RAB3IL1: variants seen among roughly 807,000 people sequenced by gnomAD.
RAB3IL1 encodes the protein RAB3A interacting protein like 1, also known as guanine nucleotide exchange factor for Rab-3A.
RAB3IL1 carries 37 observed loss-of-function variants against 49.2 expected under a neutral mutation model. The observed-to-expected ratio is 0.75, with a 90% CI of 0.58 to 0.99. RAB3IL1 has a LOEUF of 0.99. Ranked by LOEUF, RAB3IL1 falls within the 50% of genes least tolerant of loss-of-function variation. RAB3IL1 has a pLI of 0.00. For missense variants in RAB3IL1, 484 were observed against 513.0 expected, an observed-to-expected ratio of 0.94 and a Z score of 0.55; for synonymous variants, 193 against 213.9, an observed-to-expected ratio of 0.90 and a Z score of 0.85.
chr11:61,943,995 C>A, the RAB3IL1 span, among the ~76,000 whole-genome samples: 1 of 152,058 alleles, frequency 6.6e-6, no homozygotes, highest in African/African-American at 2.4e-5. Flanking sequence ...GCATTTAGTC[C>A]TTTTGAATTG....
chr11:61,934,450 G>GTGTGTGTGTA, the RAB3IL1 span, among the ~76,000 whole-genome samples: 24 of 31,604 alleles, frequency 7.6e-4, no homozygotes, highest in African/African-American at 2.1e-3. Context: ...GTGTGTGTAT[G>GTGTGTGTGTA]TATATATATA....
At chr11:61,920,250 A>G, upstream of RAB3IL1, 2 of 1,237,426 alleles carry the variant, frequency 1.6e-6, no homozygotes, top group Non-Finnish European at 2.0e-6. Context: ...AGGTAGCAGG[A>G]GCCTTCTTCC....
chr11:61,939,889 T>C, the RAB3IL1 span, among the ~76,000 whole-genome samples: 5 of 151,932 alleles, frequency 3.3e-5, no homozygotes, highest in South Asian at 2.1e-4. Flanking sequence ...GCCCAGGAGA[T>C]TGAGGCTGCA....
chr11:61,904,177 A>G (rs984392028), intron 7 of RAB3IL1, among the ~76,000 whole-genome samples: 1 of 151,748 alleles, frequency 6.6e-6, no homozygotes, highest in African/African-American at 2.4e-5. Flanking sequence ...CCCTTGCTCC[A>G]CCCTGGCTAT....
chr11:61,928,392 G>A, the RAB3IL1 span, among the ~76,000 whole-genome samples: 6 of 151,704 alleles, frequency 4.0e-5, no homozygotes, highest in East Asian at 1.9e-4. Context: ...CATGAAGCTA[G>A]GACCCTCAAA....
At chr11:61,926,403 T>C in the RAB3IL1 span, among the ~76,000 whole-genome samples, 1 of 152,130 alleles carries the variant, frequency 6.6e-6, no homozygotes, top group Non-Finnish European at 1.5e-5. Flanking sequence ...AATTACAGCA[T>C]GATATGGTTT....
chr11:61,905,274 C>T (rs1939127921), intron 5 of RAB3IL1, among the ~76,000 whole-genome samples: 1 of 152,176 alleles, frequency 6.6e-6, no homozygotes, highest in Non-Finnish European at 1.5e-5. Context: ...GGAGGGGACA[C>T]ACACAGGCTG....
In RAB3IL1 at chr11:61,906,415, C is replaced by G; in HGVS notation, c.657+51G>C. 1 of 1,481,296 alleles carries G rather than the reference C, an allele frequency of 6.8e-7. No homozygotes were observed. Among genetic ancestry groups the G allele is most frequent in the Non-Finnish European group, 9.1e-7 (1 of 1,097,492 alleles). The allele number at this position is 1,481,296 out of a possible 1,614,324, so 91.8% of individuals were successfully genotyped here. On this transcript the variant is annotated intron_variant, in intron 5 of 9. Transcript: ENST00000394836. The surrounding 1 kb of genome is among the most constrained non-coding windows in gnomAD (Gnocchi z 4.6). Reference sequence around the variant, plus strand: ...CTCACTGGGCTCGGACCCTGCCTACCGCAGGCACTGCCACCCTTCCCCGTG... The same window carrying G: ...CTCACTGGGCTCGGACCCTGCCTACGGCAGGCACTGCCACCCTTCCCCGTG...
At chr11:61,940,789 A>C in the RAB3IL1 span, among the ~76,000 whole-genome samples, 1 of 151,980 alleles carries the variant, frequency 6.6e-6, no homozygotes, top group Admixed American at 6.6e-5. Context: ...GCATGGTGGC[A>C]CTTGCCTATA....
chr11:61,923,611 G>A (rs1939950465), upstream of RAB3IL1, among the ~76,000 whole-genome samples: 1 of 152,174 alleles, frequency 6.6e-6, no homozygotes, highest in Non-Finnish European at 1.5e-5. Context: ...TGTGCAGGTG[G>A]GCCCTTCCTT....
At chr11:61,902,578 G>C (rs766231559) in intron 7 of RAB3IL1, 37 bp from the exon 8 acceptor site, 1 of 1,529,856 alleles carries the variant, frequency 6.5e-7, no homozygotes, top group South Asian at 1.2e-5. Flanking sequence ...GGGCTGGCTG[G>C]GGCTTGCCCC....
At chr11:61,938,941 T>TAATAAATAAATA in the RAB3IL1 span, among the ~76,000 whole-genome samples, 11 of 150,478 alleles carry the variant, frequency 7.3e-5, no homozygotes, top group Non-Finnish European at 1.6e-4. Context: ...TAAAAAAAAG[T>TAATAAATAAATA]AATAAATAAA....
chr11:61,907,948 C>T, intron 2 of RAB3IL1, 106 bp downstream of exon 2: 4 of 1,472,570 alleles, frequency 2.7e-6, no homozygotes, highest in Non-Finnish European at 3.6e-6. Flanking sequence ...GGTGAGGGCA[C>T]ATCCCTCTCC....
the RAB3IL1 span, among the ~76,000 whole-genome samples, chr11:61,939,288 T>C: frequency 6.6e-6 from 1 of 151,796 alleles, no homozygotes; most frequent in Non-Finnish European, 1.5e-5. Context: ...GCCCCACGGA[T>C]CAAAGAAAAA....
At chr11:61,945,143 G>T in the RAB3IL1 span, among the ~76,000 whole-genome samples, 4 of 152,200 alleles carry the variant, frequency 2.6e-5, no homozygotes, top group African/African-American at 4.8e-5. Flanking sequence ...CTGACAGATA[G>T]GGGCCAATGT....
chr11:61,921,028 T>C (rs889964177), upstream of RAB3IL1, among the ~76,000 whole-genome samples: 5 of 152,192 alleles, frequency 3.3e-5, no homozygotes, highest in African/African-American at 1.2e-4. Context: ...TTTTTGTTTG[T>C]TTTTAATTTT....
At position 61,898,082 on chromosome 11, in the gene RAB3IL1, T is replaced by G; in HGVS notation, c.*196A>C. 1.7e-6 allele frequency: 1 copy of G among 579,138 alleles called. No homozygotes were observed. The highest frequency in any genetic ancestry group is 3.1e-6 in the Non-Finnish European group (1 of 324,986). The allele number at this position is 579,138 out of a possible 1,614,324, so 35.9% of individuals were successfully genotyped here. ...CCCAGTGGGGAAGAGAGGGGGGTCT[T>G]GCCGTGAAGTCCAGGCCCGTCTGTC... On this transcript the variant is annotated 3_prime_UTR_variant, in exon 10 of 10. Coordinates refer to ENST00000394836, the MANE Select transcript of RAB3IL1 (RefSeq NM_013401.4). This position sits in a 1 kb window ranked among gnomAD's most constrained non-coding sequence, Gnocchi z 5.1.
In RAB3IL1 at chr11:61,904,619, G is replaced by T. The variant is rs1714787488; in HGVS notation, c.826C>A (p.Leu276Ile). 1 of 1,613,106 alleles carries T rather than the reference G, an allele frequency of 6.2e-7. No homozygotes were observed. Among genetic ancestry groups the T allele is most frequent in the Non-Finnish European group, 8.5e-7 (1 of 1,179,762 alleles). ...LVRAAVEDNT[L>I]TIEPVASQTL... ...TGCGAAGCCACCGGCTCAATGGTGAGCGTGTTGTCCTCCACGGCGGCCCGT... is the reference window on the plus strand; with the variant it reads ...TGCGAAGCCACCGGCTCAATGGTGATCGTGTTGTCCTCCACGGCGGCCCGT... The change falls in exon 7 of 10, where the codon CTC becomes ATC. Residue 276 changes from leucine to isoleucine, a missense_variant. Leu to Ile is a conservative substitution (Grantham distance 5). Transcript: ENST00000394836.
chr11:61,931,467 G>A, the RAB3IL1 span, among the ~76,000 whole-genome samples: 19 of 152,254 alleles, frequency 1.2e-4, no homozygotes, highest in African/African-American at 4.3e-4. Context: ...CCAGCTCAAA[G>A]TCAACATGCT....
Sources: allele counts gnomAD v4.1 joint callset (sites outside exome capture counted in the v4.1 genomes callset), GRCh38; gene constraint gnomAD v4.1.1; non-coding constraint Gnocchi (gnomAD v3.1); transcripts MANE v1.5; gene names NCBI Gene and HGNC (gene_info 2026-07-23, HGNC 2026-07-21).